Variants in FARS2 observed in about 807,000 individuals in gnomAD.
The protein encoded by FARS2 is phenylalanyl-tRNA synthetase 2, mitochondrial.
A neutral mutation model predicts 46.4 loss-of-function variants in FARS2; 40 were observed. The ratio of observed to expected loss-of-function variants is 0.86; its 90% CI spans 0.67 to 1.12. The LOEUF (loss-of-function observed/expected upper bound fraction) is 1.12, where lower values mean the gene tolerates loss of function less well. Among genes scored for constraint, FARS2 ranks in the 50% most tolerant of loss-of-function variants. FARS2 has a pLI of 0.00. For missense variants in FARS2, 513 were observed against 567.9 expected (o/e 0.90, Z 0.98); for synonymous variants, 234 against 214.9 (o/e 1.09, Z -0.78).
chr6:5,353,726 G>GTTTTTTTTTTTTTTTTTTTTTTTTTTTT (rs55998904), intron 1 of FARS2, among the ~76,000 whole-genome samples: 6 of 40,384 alleles, frequency 1.5e-4, no homozygotes, highest in Non-Finnish European at 2.1e-4. Context: ...AATATTTGGT[G>GTTTTTTTTTTTTTTTTTTTTTTTTTTTT]TTTTTTTTTT....
At chr6:5,278,122 C>T (rs1766464469) in intron 1 of FARS2, among the ~76,000 whole-genome samples, 1 of 152,192 alleles carries the variant, frequency 6.6e-6, no homozygotes, top group Admixed American at 6.5e-5. Context: ...TGGGGAAGGA[C>T]TGAACAGAGC....
At chr6:5,324,476 G>A (rs1333211045) in intron 1 of FARS2, among the ~76,000 whole-genome samples, 7 of 121,420 alleles carry the variant, frequency 5.8e-5, no homozygotes, top group African/African-American at 9.5e-5. Context: ...TAACCAAGAC[G>A]TTGGTTACAA....
chr6:5,623,356 A>G (rs995897231), intron 6 of FARS2, among the ~76,000 whole-genome samples: 1 of 152,228 alleles, frequency 6.6e-6, no homozygotes, highest in South Asian at 2.1e-4. Flanking sequence ...GACTTTGTAT[A>G]AAACTGTCAT....
rs751662656 is a variant in FARS2 at position 5,404,558 on chromosome 6, A to G, written c.629A>G (p.Lys210Arg). ...FSKHELFAGI[K>R]DGESLQLFEQ... is the part of the protein sequence containing the mutation. ...GGTTTACAGTTATTTGCTGGTATAA[A>G]GGATGGAGAAAGCCTGCAGCTCTTT... Residue 210 changes from lysine (K) to arginine (R), a missense_variant, in exon 3 of 7, where the codon AAG (lysine) becomes AGG (arginine). Transcript: ENST00000274680. The G allele has an allele frequency of 2.0e-5, 32 of 1,600,892 alleles. 1 individual carries two copies. The South Asian group carries it at 3.3e-4, about 17-fold the overall frequency.
intron 4 of FARS2, among the ~76,000 whole-genome samples, chr6:5,503,825 C>T (rs1004588309): frequency 5.9e-5 from 9 of 152,118 alleles, no homozygotes; most frequent in African/African-American, 1.4e-4. Flanking sequence ...TCTTTGCCCC[C>T]GTCATTGATC....
At chr6:5,622,117 T>C (rs1775807140) in intron 6 of FARS2, among the ~76,000 whole-genome samples, 1 of 152,206 alleles carries the variant, frequency 6.6e-6, no homozygotes. Context: ...CACCTGCACA[T>C]GGACCACCGT....
At position 5,642,314 on chromosome 6, in the gene FARS2, T is replaced by C. The variant is rs139371939; in HGVS notation, c.1217+28994T>C. 5.3e-5 allele frequency among the ~76,000 whole-genome samples: 8 copies of C among 152,312 alleles called. No homozygotes were observed. The East Asian group carries it at 1.3e-3, about 26-fold the overall frequency. ...GTGATAGACTTAAGCTTGAGCTACA[T>C]TGATCCAGGACAATCCATGGGAAGT... is the stretch of plus-strand genomic sequence containing the variant. On this transcript the variant is annotated intron_variant, in intron 6 of 6. Transcript: ENST00000274680.
rs1158458688 is a variant in FARS2 at position 5,347,275 on chromosome 6, A to C, written c.-21-21275A>C. ...AATTTAAACTTTCTGTCAAGATGCT[A>C]ATCATCCCCTTTACCCCAAAAAGTC... On this transcript the variant is annotated intron_variant, in intron 1 of 6. Coordinates refer to ENST00000274680, the MANE Select transcript of FARS2 (RefSeq NM_006567.5). 1.6e-4 allele frequency among the ~76,000 whole-genome samples: 25 copies of C among 152,152 alleles called. 2 individuals carry two copies. The highest frequency in any genetic ancestry group is 1.6e-3 in the Admixed American group (25 of 15,274).
intron 6 of FARS2, among the ~76,000 whole-genome samples, chr6:5,754,971 A>G (rs747640464): frequency 2.6e-5 from 4 of 152,110 alleles, no homozygotes; most frequent in African/African-American, 4.8e-5. Flanking sequence ...GTCTCTTTAG[A>G]TATTGCCTCT....
chr6:5,371,234 G>A (rs1216477260), intron 2 of FARS2: 5 of 952,050 alleles, frequency 5.3e-6, no homozygotes, highest in Non-Finnish European at 6.3e-6. Context: ...CAACTAAAGT[G>A]TTGGTACTAA....
chr6:5,346,095 A>T (rs533450357), intron 1 of FARS2, among the ~76,000 whole-genome samples: 1 of 152,284 alleles, frequency 6.6e-6, no homozygotes, highest in Non-Finnish European at 1.5e-5. Context: ...ACGTGCAGTC[A>T]CCTAGAAGTC....
chr6:5,522,062 G>A (rs960228503), intron 4 of FARS2, among the ~76,000 whole-genome samples: 1 of 152,200 alleles, frequency 6.6e-6, no homozygotes, highest in Non-Finnish European at 1.5e-5. Flanking sequence ...AGTCAGGATA[G>A]TCTAGGCCGC....
At chr6:5,647,580 A>G (rs1364530166) in intron 6 of FARS2, among the ~76,000 whole-genome samples, 1 of 152,244 alleles carries the variant, frequency 6.6e-6, no homozygotes, top group Non-Finnish European at 1.5e-5. Context: ...AAAATGGAAG[A>G]TAGATGACTT....
intron 4 of FARS2, among the ~76,000 whole-genome samples, chr6:5,543,885 C>CTTT (rs138364237): frequency 3.5e-5 from 5 of 140,968 alleles, no homozygotes; most frequent in African/African-American, 5.2e-5. Context: ...TGTTTGTTTG[C>CTTT]TTTTTTTTTT....
At chr6:5,305,348 C>T (rs1768622610) in intron 1 of FARS2, among the ~76,000 whole-genome samples, 1 of 152,132 alleles carries the variant, frequency 6.6e-6, no homozygotes, top group Non-Finnish European at 1.5e-5. Context: ...TTTGTGTCTG[C>T]TGATTGAATG....
intron 5 of FARS2, 44 bp downstream of exon 5, chr6:5,545,384 C>T: frequency 2.0e-6 from 3 of 1,477,054 alleles, no homozygotes; most frequent in Non-Finnish European, 2.8e-6. Flanking sequence ...ATAAAAATGG[C>T]TGTCAAGGAT....
intron 6 of FARS2, among the ~76,000 whole-genome samples, chr6:5,698,201 T>G (rs1758216403): frequency 6.6e-6 from 1 of 152,204 alleles, no homozygotes; most frequent in South Asian, 2.1e-4. Flanking sequence ...TAGTTGGCTG[T>G]TAGTTCTGCA....
At chr6:5,498,314 T>C (rs1767590624) in intron 4 of FARS2, among the ~76,000 whole-genome samples, 1 of 152,224 alleles carries the variant, frequency 6.6e-6, no homozygotes, top group Non-Finnish European at 1.5e-5. Context: ...TATTTTTTCC[T>C]TTTATTCGTG....
chr6:5,706,817 A>C (rs571975549), intron 6 of FARS2, among the ~76,000 whole-genome samples: 1 of 152,342 alleles, frequency 6.6e-6, no homozygotes, highest in Admixed American at 6.5e-5. Context: ...TGCTGAATGA[A>C]ACACTCAGAA....
Sources: allele counts gnomAD v4.1 joint callset (sites outside exome capture counted in the v4.1 genomes callset), GRCh38; gene constraint gnomAD v4.1.1; transcripts MANE v1.5; gene names NCBI Gene and HGNC (gene_info 2026-07-23, HGNC 2026-07-21).